CAB39L: variants seen among roughly 807,000 people sequenced by gnomAD.
CAB39L encodes the protein calcium binding protein 39 like, also known as calcium-binding protein 39-like.
In CAB39L, 23 loss-of-function variants were observed where a neutral mutation model predicts 39.1. The observed-to-expected ratio is 0.59, with a 90% CI of 0.42 to 0.83. The LOEUF (loss-of-function observed/expected upper bound fraction) is 0.83, where lower values mean the gene tolerates loss of function less well. Among genes scored for constraint, CAB39L ranks in the 40% least tolerant of loss-of-function variants. CAB39L has a pLI of 0.00. For missense variants in CAB39L, 366 were observed against 391.9 expected, an observed-to-expected ratio of 0.93 and a Z score of 0.56; for synonymous variants, 126 against 137.2, an observed-to-expected ratio of 0.92 and a Z score of 0.57.
At chr13:49,331,493 C>T (rs1298577538) in intron 10 of CAB39L, among the ~76,000 whole-genome samples, 2 of 151,846 alleles carry the variant, frequency 1.3e-5, no homozygotes, top group African/African-American at 4.8e-5. Context: ...ACAAAAAAAC[C>T]ACTATTGTCT....
intron 3 of CAB39L, among the ~76,000 whole-genome samples, chr13:49,405,719 GAGGAAGGA>G (rs548947401): frequency 0.048 from 4,514 of 94,870 alleles, 207 homozygotes; most frequent in African/African-American, 0.11. Context: ...GAAAGAGAGA[GAGGAAGGA>G]AGGAAGGAAG....
At chr13:49,428,491 G>A (rs939460614) in intron 3 of CAB39L, among the ~76,000 whole-genome samples, 50 of 152,330 alleles carry the variant, frequency 3.3e-4, no homozygotes, top group African/African-American at 1.2e-3. Context: ...TATGGAAGAA[G>A]AATGAATCCA....
intron 8 of CAB39L, 127 bp downstream of exon 8, chr13:49,344,052 A>G (rs1163144809): frequency 3.0e-6 from 2 of 671,692 alleles, no homozygotes; most frequent in South Asian, 1.7e-5. Flanking sequence ...TTCCAGGTAG[A>G]CAAATCAGGA....
At chr13:49,393,643 CTG>C (rs1330083902) in intron 3 of CAB39L, among the ~76,000 whole-genome samples, 1 of 151,678 alleles carries the variant, frequency 6.6e-6, no homozygotes, top group Non-Finnish European at 1.5e-5. Flanking sequence ...AATAAAGAGA[CTG>C]TGGAGAAAAC....
intron 3 of CAB39L, among the ~76,000 whole-genome samples, chr13:49,422,617 A>ATTTTTTTTTTTTTTTTTTTT (rs1215728098): frequency 6.9e-6 from 1 of 143,954 alleles, no homozygotes; most frequent in African/African-American, 2.5e-5. Flanking sequence ...TTCTCCCTTA[A>ATTTTTTTTTTTTTTTTTTTT]TTTTTTTTTT....
chr13:49,324,842 A>C lies in CAB39L; in HGVS notation c.834+7105T>G, dbSNP rs74074563. Reference sequence around the variant, plus strand: ...GGAAATCAAATCTTTGGGATCTACAAATTTCATATAATTGTGGAAGTTACA... The same window carrying C: ...GGAAATCAAATCTTTGGGATCTACACATTTCATATAATTGTGGAAGTTACA... On this transcript the variant is annotated intron_variant, in intron 10 of 10. Coordinates refer to ENST00000409308, the MANE Select transcript of CAB39L (RefSeq NM_001079670.3). 2.9e-3 allele frequency among the ~76,000 whole-genome samples: 438 copies of C among 152,366 alleles called. 4 individuals carry two copies. The highest frequency in any genetic ancestry group is 9.9e-3 in the African/African-American group (411 of 41,578).
At chr13:49,322,440 C>T (rs1954374872) in intron 10 of CAB39L, among the ~76,000 whole-genome samples, 1 of 152,194 alleles carries the variant, frequency 6.6e-6, no homozygotes, top group Non-Finnish European at 1.5e-5. Context: ...ATTACAGTTG[C>T]TACTTCCTTC....
intron 1 of CAB39L, 65 bp downstream of exon 1, chr13:49,443,921 T>C (rs933082677): frequency 4.4e-6 from 2 of 456,696 alleles, no homozygotes; most frequent in Admixed American, 2.3e-5. Context: ...CCAGGCGCTA[T>C]GTATGTTTTC....
At position 49,326,106 on chromosome 13, in the gene CAB39L, A is replaced by C. The variant is rs1954489289; in HGVS notation, c.834+5841T>G. Among the ~76,000 whole-genome samples the C allele has an allele frequency of 1.3e-5, 2 of 152,208 alleles. 1 individual carries two copies. Among genetic ancestry groups the C allele is most frequent in the South Asian group, 4.1e-4 (2 of 4,832 alleles). ...TGAGTTCCAGCAGCTCTGAGCGAGC[A>C]AACGACACAGACCATTTTCTTACAC... On this transcript the variant is annotated intron_variant, in intron 10 of 10. Transcript: ENST00000409308.
At chr13:49,366,650 C>T (rs1483334277) in intron 5 of CAB39L, among the ~76,000 whole-genome samples, 2 of 109,486 alleles carry the variant, frequency 1.8e-5, no homozygotes, top group Non-Finnish European at 4.0e-5. Context: ...AAAAAAAAAA[C>T]CCATGCTCTC....
At chr13:49,418,893 A>C (rs2138705016) in intron 3 of CAB39L, among the ~76,000 whole-genome samples, 1 of 152,292 alleles carries the variant, frequency 6.6e-6, no homozygotes, top group South Asian at 2.1e-4. Flanking sequence ...TCATTTTGCC[A>C]TGTGCTTTTT....
chr13:49,361,577 GAAAGAA>G (rs771215488), intron 5 of CAB39L, among the ~76,000 whole-genome samples: 2 of 148,934 alleles, frequency 1.3e-5, no homozygotes, highest in Admixed American at 6.7e-5. Flanking sequence ...AAGAAAGAAA[GAAAGAA>G]AGAGAGAAAG....
At chr13:49,362,173 C>T (rs569876162) in intron 5 of CAB39L, among the ~76,000 whole-genome samples, 1 of 152,076 alleles carries the variant, frequency 6.6e-6, no homozygotes, top group Non-Finnish European at 1.5e-5. Flanking sequence ...CTAGATCTCA[C>T]TGTCCTGTCA....
At chr13:49,387,269 GA>G (rs1172900705) in intron 3 of CAB39L, among the ~76,000 whole-genome samples, 1 of 152,184 alleles carries the variant, frequency 6.6e-6, no homozygotes, top group African/African-American at 2.4e-5. Context: ...CTTAAGCTGG[GA>G]ACAAAAGGAA....
chr13:49,419,921 C>G (rs1198404841), intron 3 of CAB39L, among the ~76,000 whole-genome samples: 1 of 152,066 alleles, frequency 6.6e-6, no homozygotes, highest in East Asian at 1.9e-4. Flanking sequence ...GATCAGCAAT[C>G]CCAGTACTTA....
At chr13:49,337,275 G>GA (rs1458631830) in intron 9 of CAB39L, among the ~76,000 whole-genome samples, 2 of 152,072 alleles carry the variant, frequency 1.3e-5, no homozygotes, top group African/African-American at 4.8e-5. Context: ...GAAAAAATAG[G>GA]AAAAAATGAC....
At chr13:49,339,656 C>A (rs757668298) in intron 9 of CAB39L, 21 bp downstream of exon 9, 3 of 1,554,806 alleles carry the variant, frequency 1.9e-6, no homozygotes, top group African/African-American at 2.8e-5. Flanking sequence ...GGGACACTGA[C>A]TTAAAGAAAT....
chr13:49,411,410 GAAAAAAAAA>G (rs760826107), intron 3 of CAB39L, among the ~76,000 whole-genome samples: 12 of 102,486 alleles, frequency 1.2e-4, no homozygotes, highest in Non-Finnish European at 1.9e-4. Context: ...ACTCTCCTGA[GAAAAAAAAA>G]AAAAAAAAGA....
At chr13:49,381,832 A>G (rs1344007337) in intron 4 of CAB39L, among the ~76,000 whole-genome samples, 1 of 152,168 alleles carries the variant, frequency 6.6e-6, no homozygotes, top group Non-Finnish European at 1.5e-5. Context: ...ATTCTTGTAC[A>G]TTTTTCCTGG....
Sources: allele counts gnomAD v4.1 joint callset (sites outside exome capture counted in the v4.1 genomes callset), GRCh38; gene constraint gnomAD v4.1.1; transcripts MANE v1.5; gene names NCBI Gene and HGNC (gene_info 2026-07-23, HGNC 2026-07-21).